Variants in KCTD8 observed in about 807,000 individuals in gnomAD.
The protein encoded by KCTD8 is BTB/POZ domain-containing protein KCTD8.
KCTD8 carries 27 observed loss-of-function variants against 31.5 expected under a neutral mutation model. That is an observed-to-expected ratio of 0.86 (90% CI 0.63 to 1.18). The LOEUF is 1.18. KCTD8 is among the 50% of genes most tolerant of loss of function. The pLI is 0.00. For missense variants in KCTD8, 658 were observed against 647.7 expected (o/e 1.02, Z -0.17); for synonymous variants, 290 against 280.0 (o/e 1.04, Z -0.36).
rs192146819 is a variant in KCTD8 at position 44,428,448 on chromosome 4, A to C, written c.961+19115T>G. Among the ~76,000 whole-genome samples, 311 of 151,816 alleles carry C rather than the reference A, an allele frequency of 2.0e-3. 1 individual carries two copies. Among genetic ancestry groups the C allele is most frequent in the Admixed American group, 3.2e-3 (49 of 15,196 alleles). On this transcript the variant is annotated intron_variant, in intron 1 of 1. Transcript: ENST00000360029. ...TCAATTAATAATTAAGACTCTGATCAAGTCACTTACCCACTCTGGGCTTCA... is the reference window on the plus strand; with the variant it reads ...TCAATTAATAATTAAGACTCTGATCCAGTCACTTACCCACTCTGGGCTTCA...
rs10938342 is a variant in KCTD8, at chr4:44,442,774, T to TACACACGTATATACACAC, written c.961+4788_961+4789insGTGTGTATATACGTGTGT. Among the ~76,000 whole-genome samples, 1,081 of 147,336 alleles carry TACACACGTATATACACAC rather than the reference T, an allele frequency of 7.3e-3. 14 individuals are homozygous for TACACACGTATATACACAC. The highest frequency in any genetic ancestry group is 0.011 in the Non-Finnish European group (732 of 66,986). On this transcript the variant is annotated intron_variant, in intron 1 of 1. Transcript: ENST00000360029. ...AAGAGGCTTTTTCTTAACTAAGGTATACACACACACACACACACACACACA... is the reference window on the plus strand; with the variant it reads ...AAGAGGCTTTTTCTTAACTAAGGTATACACACGTATATACACACACACACACACACACACACACACACA...
chr4:44,386,698 A>T (rs1227069451), intron 1 of KCTD8, among the ~76,000 whole-genome samples: 2 of 151,640 alleles, frequency 1.3e-5, no homozygotes, highest in Non-Finnish European at 3.0e-5. Context: ...AAGTTCCTCA[A>T]AAAAACTAAA....
chr4:44,225,284 T>A (rs528881327), intron 1 of KCTD8, among the ~76,000 whole-genome samples: 1 of 152,390 alleles, frequency 6.6e-6, no homozygotes, highest in Non-Finnish European at 1.5e-5. Flanking sequence ...TGTGTCACTT[T>A]CCTTTCTGCT....
intron 1 of KCTD8, among the ~76,000 whole-genome samples, chr4:44,408,282 A>T (rs1049077864): frequency 1.3e-5 from 2 of 152,172 alleles, no homozygotes; most frequent in Non-Finnish European, 2.9e-5. Flanking sequence ...TATTAAATCC[A>T]TACTTCTAAA....
At chr4:44,371,584 A>T (rs1719788083) in intron 1 of KCTD8, among the ~76,000 whole-genome samples, 1 of 152,206 alleles carries the variant, frequency 6.6e-6, no homozygotes. Flanking sequence ...GGCTATTCCC[A>T]ATTAAATATT....
At chr4:44,380,555 A>T (rs1016442799) in intron 1 of KCTD8, among the ~76,000 whole-genome samples, 24 of 151,844 alleles carry the variant, frequency 1.6e-4, no homozygotes, top group African/African-American at 5.5e-4. Flanking sequence ...ATATTAATAT[A>T]ATTTTATTAT....
At chr4:44,418,603 G>GA (rs1721135942) in intron 1 of KCTD8, among the ~76,000 whole-genome samples, 1 of 151,932 alleles carries the variant, frequency 6.6e-6, no homozygotes, top group African/African-American at 2.4e-5. Flanking sequence ...AGAGAAGAAA[G>GA]AAAAAATTTT....
At chr4:44,417,398 T>C (rs760164479) in intron 1 of KCTD8, among the ~76,000 whole-genome samples, 38 of 152,136 alleles carry the variant, frequency 2.5e-4, no homozygotes, top group Non-Finnish European at 5.0e-4. Context: ...CCATTGTATT[T>C]GTGAAAACAG....
At chr4:44,250,153 GT>G (rs1408749699) in intron 1 of KCTD8, among the ~76,000 whole-genome samples, 1 of 151,648 alleles carries the variant, frequency 6.6e-6, no homozygotes, top group African/African-American at 2.4e-5. Flanking sequence ...TCATGGGTGA[GT>G]TTTTTTAGGC....
chr4:44,278,226 T>C (rs1248644447), intron 1 of KCTD8, among the ~76,000 whole-genome samples: 1 of 152,002 alleles, frequency 6.6e-6, no homozygotes, highest in African/African-American at 2.4e-5. Context: ...TCCAAATATA[T>C]AGTAACTATA....
rs187579943 is a variant in KCTD8 at position 44,372,846 on chromosome 4, G to A, written c.961+74717C>T. Among the ~76,000 whole-genome samples the A allele has an allele frequency of 1.6e-3, 242 of 152,254 alleles. 1 individual carries two copies. The highest frequency in any genetic ancestry group is 2.7e-3 in the Non-Finnish European group (182 of 68,016). On this transcript the variant is annotated intron_variant, in intron 1 of 1. Transcript: ENST00000360029. The stretch of plus-strand genomic sequence containing the variant: ...TTACAAGTTGCATGCTTGCTGCAAA[G>A]AAATAATTCCACATTATCTTTCATT...
In KCTD8 at chr4:44,183,751, G is replaced by GA. The variant is rs554378756; in HGVS notation, c.962-8502dup. Among the ~76,000 whole-genome samples the GA allele has an allele frequency of 1.1e-3, 166 of 147,044 alleles. 1 individual carries two copies. The highest frequency in any genetic ancestry group is 2.0e-3 in the Admixed American group (29 of 14,740). On this transcript the variant is annotated intron_variant, in intron 1 of 1. Coordinates refer to ENST00000360029, the MANE Select transcript of KCTD8 (RefSeq NM_198353.3). ...AGTCTATGTACACAGCTGCACATTT[G>GA]AAAAAAAAAACTTTTCATTTTAATC...
intron 1 of KCTD8, among the ~76,000 whole-genome samples, chr4:44,264,498 C>T (rs551049874): frequency 2.3e-4 from 35 of 152,268 alleles, no homozygotes; most frequent in African/African-American, 7.2e-4. Flanking sequence ...TCTGAGGTAA[C>T]GGGTTCATCT....
At chr4:44,192,324 A>G (rs1256744710) in intron 1 of KCTD8, among the ~76,000 whole-genome samples, 1 of 152,158 alleles carries the variant, frequency 6.6e-6, no homozygotes, top group Non-Finnish European at 1.5e-5. Flanking sequence ...TATTACTAAC[A>G]GGGTCATGTG....
intron 1 of KCTD8, among the ~76,000 whole-genome samples, chr4:44,290,483 C>A (rs540234894): frequency 6.6e-6 from 1 of 152,040 alleles, no homozygotes; most frequent in Non-Finnish European, 1.5e-5. Context: ...CTACAGAATG[C>A]ACCACTCAAA....
intron 1 of KCTD8, among the ~76,000 whole-genome samples, chr4:44,390,880 G>T (rs1720354418): frequency 6.6e-6 from 1 of 151,898 alleles, no homozygotes; most frequent in South Asian, 2.1e-4. Flanking sequence ...ACAGTGTGGG[G>T]ATTCCTCAAA....
chr4:44,285,089 A>G (rs1267323157), intron 1 of KCTD8, among the ~76,000 whole-genome samples: 1 of 152,192 alleles, frequency 6.6e-6, no homozygotes, highest in Non-Finnish European at 1.5e-5. Flanking sequence ...CTAGAACCAG[A>G]AATACCATTT....
At chr4:44,266,054 T>C (rs1275853231) in intron 1 of KCTD8, among the ~76,000 whole-genome samples, 1 of 152,006 alleles carries the variant, frequency 6.6e-6, no homozygotes, top group Non-Finnish European at 1.5e-5. Flanking sequence ...GCCACCAAGA[T>C]ACTCCTCGAG....
chr4:44,333,148 G>T (rs1373525938), intron 1 of KCTD8, among the ~76,000 whole-genome samples: 2 of 151,948 alleles, frequency 1.3e-5, no homozygotes, highest in East Asian at 1.9e-4. Flanking sequence ...ACAGTGCAAT[G>T]AATATCTCAT....
Sources: gnomAD v4.1 joint callset for allele counts (sites outside exome capture counted in the v4.1 genomes callset) on GRCh38, gnomAD v4.1.1 for gene constraint, MANE v1.5 for transcripts, NCBI Gene and HGNC (gene_info 2026-07-23, HGNC 2026-07-21) for gene names.